The following DCP1B variants were observed in gnomAD, a reference collection of about 807,000 sequenced individuals.
DCP1B encodes the protein decapping mRNA 1B.
DCP1B carries 47 observed loss-of-function variants against 60.5 expected under a neutral mutation model. The observed-to-expected ratio is 0.78, with a 90% CI of 0.61 to 0.99. The LOEUF (loss-of-function observed/expected upper bound fraction) is 0.99, where lower values mean the gene tolerates loss of function less well. Among genes scored for constraint, DCP1B ranks in the 50% least tolerant of loss-of-function variants. The pLI is 0.00. For synonymous variants in DCP1B, 267 were observed against 280.3 expected (o/e 0.95, Z 0.47); for missense variants, 725 against 756.8 (o/e 0.96, Z 0.49).
intron 3 of DCP1B, among the ~76,000 whole-genome samples, chr12:1,986,027 A>T (rs1316823994): frequency 6.6e-6 from 1 of 152,036 alleles, no homozygotes; most frequent in Non-Finnish European, 1.5e-5. Context: ...GTTAGCCAGG[A>T]TGGTCTCGAT....
At position 1,946,131 on chromosome 12, in the gene DCP1B, C is replaced by G; in HGVS notation, c.*75G>C. 8.6e-7 allele frequency: 1 copy of G among 1,159,596 alleles called. No homozygotes were observed. Among genetic ancestry groups the G allele is most frequent in the South Asian group, 1.8e-5 (1 of 54,412 alleles). 71.8% of individuals were successfully genotyped at this position (1,159,596 alleles called of 1,614,324 possible). Reference sequence around the variant, plus strand: ...AAAAAGGCAGAAACATTGAAGGAAACAACACTCAACATGAAAGAACCTTGT... The same window carrying G: ...AAAAAGGCAGAAACATTGAAGGAAAGAACACTCAACATGAAAGAACCTTGT... On this transcript the variant is annotated 3_prime_UTR_variant, in exon 9 of 9. Transcript: ENST00000280665.
chr12:1,946,238 T>G lies in DCP1B; in HGVS notation c.1822A>C (p.Met608Leu). The G allele has an allele frequency of 6.2e-7, 1 of 1,608,698 alleles. No individual in the cohort carries two copies. The highest frequency in any genetic ancestry group is 8.5e-7 in the Non-Finnish European group (1 of 1,178,042). ...NIIYEAYLFS[M>L]TQAAMKKTM Reference sequence around the variant, plus strand: ...GTCTTTTTCATGGCTGCTTGAGTCATGCTGAAGAGATAGGCTTCATAGATT... The same window carrying G: ...GTCTTTTTCATGGCTGCTTGAGTCAGGCTGAAGAGATAGGCTTCATAGATT... Residue 608 changes from methionine (M) to leucine (L), a missense_variant, in exon 9 of 9, where the codon ATG becomes CTG. Transcript: ENST00000280665.
At chr12:1,977,336 TC>T (rs1303575162) in intron 3 of DCP1B, among the ~76,000 whole-genome samples, 1 of 152,304 alleles carries the variant, frequency 6.6e-6, no homozygotes, top group South Asian at 2.1e-4. Flanking sequence ...GGTGTCATTC[TC>T]CGTCTCTACC....
At chr12:1,979,517 G>A (rs1214559392) in intron 3 of DCP1B, among the ~76,000 whole-genome samples, 3 of 152,102 alleles carry the variant, frequency 2.0e-5, no homozygotes, top group Admixed American at 2.0e-4. Context: ...TCACCATGTT[G>A]GCCAGGCTCG....
In DCP1B at chr12:1,971,091, C is replaced by T. The variant is rs1200454267; in HGVS notation, c.320-3181G>A. ...CTTCGAGCCTTTGTTCAGCCTGGTA[C>T]GCCTGCATACCAGCCGCTTCCCAGC... On this transcript the variant is annotated intron_variant, in intron 3 of 8. Transcript: ENST00000280665. The surrounding 1 kb of genome is among the most constrained non-coding windows in gnomAD (Gnocchi z 4.2). 12 of 1,288,670 alleles carry T rather than the reference C, an allele frequency of 9.3e-6. No individual in the cohort carries two copies. The highest frequency in any genetic ancestry group is 1.2e-5 in the Non-Finnish European group (12 of 987,862). The allele number at this position is 1,288,670 out of a possible 1,614,324, so 79.8% of individuals were successfully genotyped here. A position where few individuals can be genotyped will look rare whatever the true frequency, so the allele number is the denominator to read the frequency against.
In DCP1B at chr12:1,969,785, G is replaced by A. The variant is rs1263620102; in HGVS notation, c.320-1875C>T. 7.2e-5 allele frequency among the ~76,000 whole-genome samples: 11 copies of A among 152,052 alleles called. No individual in the cohort carries two copies. The East Asian group carries it at 9.7e-4, about 13-fold the overall frequency. The stretch of plus-strand genomic sequence containing the variant: ...AGTCAAAGCAGATTGGATCACTGAC[G>A]TTCAACCACTTAATAAATCTGAGTA... On this transcript the variant is annotated intron_variant, in intron 3 of 8. Transcript: ENST00000280665.
At chr12:1,953,878 A>G (rs1444963011) in intron 6 of DCP1B, among the ~76,000 whole-genome samples, 2 of 152,204 alleles carry the variant, frequency 1.3e-5, no homozygotes, top group South Asian at 2.1e-4. Context: ...TGCTTTCTGC[A>G]TTGTTGCACT....
intron 4 of DCP1B, among the ~76,000 whole-genome samples, chr12:1,966,734 C>T (rs1408237681): frequency 6.6e-6 from 1 of 152,126 alleles, no homozygotes; most frequent in East Asian, 1.9e-4. Flanking sequence ...GTTCTAGGAA[C>T]TAGTTGTTAT....
At chr12:1,956,492 TA>T (rs1253477157) in intron 5 of DCP1B, among the ~76,000 whole-genome samples, 2 of 152,230 alleles carry the variant, frequency 1.3e-5, no homozygotes, top group African/African-American at 4.8e-5. Flanking sequence ...GTGTATTCTC[TA>T]ATCCAACGAT....
intron 3 of DCP1B, among the ~76,000 whole-genome samples, chr12:1,978,024 T>C (rs753342821): frequency 1.8e-4 from 27 of 152,174 alleles, no homozygotes; most frequent in Non-Finnish European, 3.7e-4. Context: ...TGCTAGGAAA[T>C]TGACATTTAA....
At chr12:1,944,041 C>T (rs559377053), downstream of DCP1B, among the ~76,000 whole-genome samples, 21 of 152,272 alleles carry the variant, frequency 1.4e-4, no homozygotes, top group African/African-American at 3.4e-4. Context: ...AAAACCCCAT[C>T]GTCTCAGCCC....
intron 5 of DCP1B, among the ~76,000 whole-genome samples, chr12:1,957,499 A>G (rs2030927169): frequency 6.6e-6 from 1 of 152,226 alleles, no homozygotes; most frequent in Non-Finnish European, 1.5e-5. Flanking sequence ...AAAAATTTCT[A>G]TAATTTCATA....
chr12:1,993,389 G>T lies in DCP1B; in HGVS notation c.194C>A (p.Ser65Tyr). Residue 65 changes from serine to tyrosine, a missense_variant and splice_region_variant, in exon 3 of 9, where the codon TCT becomes TAT. Coordinates refer to ENST00000280665, the MANE Select transcript of DCP1B (RefSeq NM_152640.5). Reference protein sequence around the residue: ...VEGTLFVYTRSASPKHGFTIM... With the variant: ...VEGTLFVYTRYASPKHGFTIM... The stretch of plus-strand genomic sequence containing the variant: ...GGTGAATCCATGCTTTGGAGAAGCA[G>T]ACCTAAAAATCACAAGGAGTCAGGG... The T allele has an allele frequency of 6.2e-7, 1 of 1,609,424 alleles. No individual in the cohort carries two copies. Among genetic ancestry groups the T allele is most frequent in the South Asian group, 1.1e-5 (1 of 90,598 alleles).
chr12:1,972,558 T>G (rs946629511), intron 3 of DCP1B, among the ~76,000 whole-genome samples: 2 of 152,226 alleles, frequency 1.3e-5, no homozygotes, highest in Non-Finnish European at 2.9e-5. Flanking sequence ...TTCAAGAACC[T>G]ATTTCACCAA....
At chr12:1,970,420 A>C (rs940995571) in intron 3 of DCP1B, among the ~76,000 whole-genome samples, 9 of 152,190 alleles carry the variant, frequency 5.9e-5, no homozygotes, top group Non-Finnish European at 1.2e-4. Context: ...GGAAAAAAAA[A>C]CCATTAACCA....
At chr12:1,987,874 T>A (rs2038252156) in intron 3 of DCP1B, among the ~76,000 whole-genome samples, 1 of 152,226 alleles carries the variant, frequency 6.6e-6, no homozygotes, top group Non-Finnish European at 1.5e-5. Flanking sequence ...AAGGGTTTCT[T>A]CTGTCTCCCT....
At chr12:1,949,478 C>T (rs2154456412) in intron 7 of DCP1B, 144 bp from the exon 8 acceptor site, 8 of 1,116,682 alleles carry the variant, frequency 7.2e-6, no homozygotes, top group Non-Finnish European at 1.0e-5. Flanking sequence ...CTGATTCTTG[C>T]TCCACTGCTC....
chr12:1,988,207 G>A (rs960814614), intron 3 of DCP1B, among the ~76,000 whole-genome samples: 7 of 152,128 alleles, frequency 4.6e-5, no homozygotes, highest in African/African-American at 1.4e-4. Flanking sequence ...TACAAGCTAC[G>A]TGTCCATCAT....
intron 4 of DCP1B, among the ~76,000 whole-genome samples, 181 bp from the exon 5 acceptor site, chr12:1,965,874 A>G (rs1322449029): frequency 6.6e-6 from 1 of 152,216 alleles, no homozygotes; most frequent in Non-Finnish European, 1.5e-5. Context: ...TGACTACACA[A>G]ATGAATCTAG....
Sources: gnomAD v4.1 joint callset for allele counts (sites outside exome capture counted in the v4.1 genomes callset) on GRCh38, gnomAD v4.1.1 for gene constraint, Gnocchi (gnomAD v3.1) non-coding constraint, MANE v1.5 for transcripts, NCBI Gene and HGNC (gene_info 2026-07-23, HGNC 2026-07-21) for gene names.